The following CSMD1 variants were observed in gnomAD, a reference collection of about 807,000 sequenced individuals.
The protein encoded by CSMD1 is CUB and sushi domain-containing protein 1.
CSMD1 carries 213 observed loss-of-function variants against 417.5 expected under a neutral mutation model. That is an observed-to-expected ratio of 0.51 (90% CI 0.46 to 0.57). CSMD1 has a LOEUF of 0.57. CSMD1 is among the 20% of genes least tolerant of loss of function. The pLI, the probability that CSMD1 is intolerant of heterozygous loss-of-function variation, is 0.00. For missense variants in CSMD1, 6,923 were observed against 4,529.7 expected (o/e 1.53, Z -15.17); for synonymous variants, 2,862 against 1,736.8 (o/e 1.65, Z -16.11).
chr8:4,181,018 A>G (rs1466123939), intron 3 of CSMD1, among the ~76,000 whole-genome samples: 1 of 152,172 alleles, frequency 6.6e-6, no homozygotes, highest in Non-Finnish European at 1.5e-5. Context: ...AAAGCAAAAA[A>G]GTCCAGCTGA....
chr8:2,969,069 T>G (rs542787305), intron 57 of CSMD1, among the ~76,000 whole-genome samples: 1 of 152,138 alleles, frequency 6.6e-6, no homozygotes, highest in Non-Finnish European at 1.5e-5. Context: ...GCAAGTTAAA[T>G]AAACCTGAGC....
intron 39 of CSMD1, among the ~76,000 whole-genome samples, chr8:3,153,662 T>G (rs1330552930): frequency 6.6e-6 from 1 of 152,196 alleles, no homozygotes; most frequent in East Asian, 1.9e-4. Context: ...CACTCATACA[T>G]ATCTTCAGCT....
intron 10 of CSMD1, among the ~76,000 whole-genome samples, chr8:3,520,830 T>C (rs979947420): frequency 4.6e-5 from 7 of 152,058 alleles, no homozygotes; most frequent in Admixed American, 3.9e-4. Flanking sequence ...CATCAACACC[T>C]CAAATACAAC....
Position 3,529,516 on chromosome 8 carries a change from G to C in CSMD1, c.1345-35790C>G, listed in dbSNP as rs117218032. Among the ~76,000 whole-genome samples the C allele has an allele frequency of 6.9e-3, 1,044 of 152,250 alleles. 3 individuals carry two copies. The highest frequency in any genetic ancestry group is 0.012 in the Non-Finnish European group (810 of 68,018). On this transcript the variant is annotated intron_variant, in intron 10 of 69. Transcript: ENST00000635120. ...TGACTCTGGCTCTAATCATATAGAG[G>C]AGAAATTTTAATGCCAGATTATTTA...
At chr8:4,470,104 T>C (rs1377616749) in intron 2 of CSMD1, among the ~76,000 whole-genome samples, 1 of 151,984 alleles carries the variant, frequency 6.6e-6, no homozygotes, top group African/African-American at 2.4e-5. Flanking sequence ...TCTCCTGATC[T>C]CGTGATCCGC....
intron 23 of CSMD1, among the ~76,000 whole-genome samples, chr8:3,316,390 C>T (rs1167887463): frequency 2.0e-5 from 3 of 152,190 alleles, no homozygotes; most frequent in Non-Finnish European, 4.4e-5. Flanking sequence ...AATAAAACGG[C>T]TCCTATCTTC....
intron 5 of CSMD1, among the ~76,000 whole-genome samples, chr8:3,962,340 G>C (rs557622027): frequency 3.3e-5 from 5 of 152,096 alleles, no homozygotes; most frequent in African/African-American, 1.2e-4. Context: ...GCAGGATTAA[G>C]ATCCCAAGTA....
chr8:3,658,589 C>A (rs1249821752), intron 7 of CSMD1, among the ~76,000 whole-genome samples: 1 of 151,798 alleles, frequency 6.6e-6, no homozygotes, highest in South Asian at 2.1e-4. Context: ...TTGAGACCAG[C>A]TTGGCCAACA....
intron 3 of CSMD1, among the ~76,000 whole-genome samples, chr8:4,094,223 C>A (rs943052593): frequency 4.6e-5 from 7 of 152,118 alleles, no homozygotes; most frequent in Admixed American, 2.6e-4. Context: ...GCACTAGCTG[C>A]CCTCGTAACC....
At chr8:4,043,292 C>G (rs908546079) in intron 3 of CSMD1, among the ~76,000 whole-genome samples, 5 of 151,858 alleles carry the variant, frequency 3.3e-5, no homozygotes, top group Non-Finnish European at 7.4e-5. Context: ...AGTACCCAAT[C>G]CAACAAAAGG....
At chr8:3,024,268 GATA>G (rs894991375) in intron 51 of CSMD1, among the ~76,000 whole-genome samples, 3 of 141,888 alleles carry the variant, frequency 2.1e-5, no homozygotes, top group African/African-American at 7.9e-5. Context: ...GTAGATCCCA[GATA>G]ATGTTTACAT....
chr8:4,048,109 G>A (rs1485107928), intron 3 of CSMD1, among the ~76,000 whole-genome samples: 9 of 152,058 alleles, frequency 5.9e-5, no homozygotes, highest in East Asian at 5.8e-4. Flanking sequence ...GGTAGACCCC[G>A]ACTGATTTCT....
rs1189714777 is a variant in CSMD1 at position 4,840,088 on chromosome 8, G to C, written c.85+154244C>G. Reference sequence around the variant, plus strand: ...GACCGCATCCATAGGCTTGGGAAGAGCCTACCTGTCCACTCACTTAGACTC... The same window carrying C: ...GACCGCATCCATAGGCTTGGGAAGACCCTACCTGTCCACTCACTTAGACTC... On this transcript the variant is annotated intron_variant, in intron 1 of 69. Coordinates refer to ENST00000635120, the MANE Select transcript of CSMD1 (RefSeq NM_033225.6). Among the ~76,000 whole-genome samples, 6 of 94,366 alleles carry C rather than the reference G, an allele frequency of 6.4e-5. No homozygotes were observed. The South Asian group carries it at 2.3e-3, about 36-fold the overall frequency. The allele number at this position is 94,366 out of a possible 152,430, so 61.9% of individuals were successfully genotyped here.
chr8:4,166,115 C>G (rs1053892000), intron 3 of CSMD1, among the ~76,000 whole-genome samples: 1 of 152,166 alleles, frequency 6.6e-6, no homozygotes. Context: ...TAGAGCAGCA[C>G]TGTCTGATGC....
chr8:4,850,382 CTTTTTT>C, intron 1 of CSMD1, among the ~76,000 whole-genome samples: 50 of 77,840 alleles, frequency 6.4e-4, no homozygotes, highest in East Asian at 1.0e-3. Flanking sequence ...TCCAATTTAT[CTTTTTT>C]TTTTTTTTTT....
intron 1 of CSMD1, among the ~76,000 whole-genome samples, chr8:4,761,538 C>A (rs1050546553): frequency 6.6e-6 from 1 of 152,038 alleles, no homozygotes; most frequent in African/African-American, 2.4e-5. Flanking sequence ...TGTACTTGGG[C>A]AGCTCTGACT....
intron 17 of CSMD1, among the ~76,000 whole-genome samples, chr8:3,393,688 A>G (rs1161115665): frequency 6.6e-6 from 1 of 152,006 alleles, no homozygotes; most frequent in East Asian, 1.9e-4. Context: ...TGTCTTTTGT[A>G]GGGACATGGA....
chr8:3,069,327 C>A (rs184662755), intron 49 of CSMD1, among the ~76,000 whole-genome samples: 1 of 151,616 alleles, frequency 6.6e-6, no homozygotes, highest in Non-Finnish European at 1.5e-5. Context: ...CCCAGCTACT[C>A]GGGAGGCTAA....
intron 3 of CSMD1, among the ~76,000 whole-genome samples, chr8:4,246,183 T>C (rs749160427): frequency 2.0e-5 from 3 of 152,136 alleles, no homozygotes; most frequent in Non-Finnish European, 2.9e-5. Context: ...CAATATTCCA[T>C]CCTCCAAAAG....
Sources: allele counts gnomAD v4.1 joint callset (sites outside exome capture counted in the v4.1 genomes callset), GRCh38; gene constraint gnomAD v4.1.1; transcripts MANE v1.5; gene names NCBI Gene and HGNC (gene_info 2026-07-23, HGNC 2026-07-21).